COP1: variants seen among roughly 807,000 people sequenced by gnomAD.
The protein encoded by COP1 is COP1 E3 ubiquitin ligase, also known as E3 ubiquitin-protein ligase COP1.
Under a neutral mutation model 101.3 loss-of-function variants are expected in COP1, and 24 were observed. The ratio of observed to expected loss-of-function variants is 0.24; its 90% confidence interval spans 0.17 to 0.33. The LOEUF (loss-of-function observed/expected upper bound fraction) is 0.33. Among genes scored for constraint, COP1 ranks in the 10% least tolerant of loss-of-function variants. The pLI, the probability that COP1 is intolerant of heterozygous loss-of-function variation, is 1.00. For missense variants in COP1, 663 were observed against 906.2 expected (o/e 0.73, Z 3.45); for synonymous variants, 347 against 341.9 (o/e 1.01, Z -0.17).
chr1:175,991,340 G>A (rs1022692933), intron 15 of COP1, among the ~76,000 whole-genome samples: 16 of 152,066 alleles, frequency 1.1e-4, no homozygotes, highest in African/African-American at 3.9e-4. Context: ...AAATATTTAC[G>A]TATCTAAATA....
At chr1:176,005,496 T>C (rs1398264388) in intron 15 of COP1, among the ~76,000 whole-genome samples, 3 of 151,812 alleles carry the variant, frequency 2.0e-5, no homozygotes, top group African/African-American at 7.3e-5. Flanking sequence ...TTTAGTGCTA[T>C]AAATTTCCCT....
intron 18 of COP1, among the ~76,000 whole-genome samples, chr1:175,961,976 G>A (rs1170692437): frequency 2.6e-5 from 4 of 152,058 alleles, no homozygotes; most frequent in Admixed American, 1.3e-4. Context: ...ATTAGTTAAC[G>A]AGATGAAAAT....
intron 15 of COP1, among the ~76,000 whole-genome samples, chr1:176,005,724 T>TTA (rs1662998137): frequency 7.2e-6 from 1 of 139,480 alleles, no homozygotes; most frequent in Non-Finnish European, 1.6e-5. Context: ...AGATAGTTTG[T>TTA]TATAATCTCT....
At chr1:176,040,803 T>G (rs1029410912) in intron 14 of COP1, among the ~76,000 whole-genome samples, 20 of 152,150 alleles carry the variant, frequency 1.3e-4, no homozygotes, top group Admixed American at 1.1e-3. Flanking sequence ...CATAACATGA[T>G]GCGAAATAAA....
At chr1:176,137,011 G>C (rs1422990196) in intron 6 of COP1, among the ~76,000 whole-genome samples, 1 of 151,960 alleles carries the variant, frequency 6.6e-6, no homozygotes, top group South Asian at 2.1e-4. Context: ...GCCTCCCAAA[G>C]TGCTGGTATT....
intron 15 of COP1, among the ~76,000 whole-genome samples, chr1:175,992,332 T>G (rs1293947199): frequency 6.6e-6 from 1 of 151,986 alleles, no homozygotes; most frequent in Non-Finnish European, 1.5e-5. Context: ...AGAAGACGGG[T>G]GATTTTGCAT....
chr1:176,053,446 C>T (rs1672919547), intron 11 of COP1, among the ~76,000 whole-genome samples: 1 of 152,130 alleles, frequency 6.6e-6, no homozygotes, highest in Non-Finnish European at 1.5e-5. Flanking sequence ...AGCTCACTGT[C>T]ATTTTCTTAA....
At chr1:175,972,928 A>T (rs1038792285) in intron 18 of COP1, among the ~76,000 whole-genome samples, 1 of 151,742 alleles carries the variant, frequency 6.6e-6, no homozygotes, top group African/African-American at 2.4e-5. Flanking sequence ...CGCCTCCCAG[A>T]TTCAAGCAAT....
At chr1:176,204,995 G>T (rs1423000978) in intron 1 of COP1, among the ~76,000 whole-genome samples, 3 of 152,136 alleles carry the variant, frequency 2.0e-5, no homozygotes, top group Non-Finnish European at 4.4e-5. Flanking sequence ...GCAGTGCACT[G>T]AACTTCATAT....
At chr1:176,022,934 T>G (rs1272321255) in intron 15 of COP1, among the ~76,000 whole-genome samples, 2 of 152,246 alleles carry the variant, frequency 1.3e-5, no homozygotes, top group Non-Finnish European at 2.9e-5. Flanking sequence ...GTGAACATTT[T>G]ATGGTCGTTC....
intron 15 of COP1, among the ~76,000 whole-genome samples, chr1:176,008,548 T>C (rs1270796946): frequency 6.6e-6 from 1 of 152,228 alleles, no homozygotes; most frequent in Non-Finnish European, 1.5e-5. Context: ...AATTACCTTT[T>C]TTGAATATAT....
At chr1:176,108,684 T>C (rs1684767049) in intron 9 of COP1, among the ~76,000 whole-genome samples, 1 of 152,064 alleles carries the variant, frequency 6.6e-6, no homozygotes, top group African/African-American at 2.4e-5. Flanking sequence ...TGGTATCTAG[T>C]ATTATTCTAT....
At chr1:175,991,501 A>C (rs188806914) in intron 15 of COP1, among the ~76,000 whole-genome samples, 10 of 152,300 alleles carry the variant, frequency 6.6e-5, no homozygotes, top group Non-Finnish European at 1.5e-4. Flanking sequence ...AGACGTTAAC[A>C]GTATACCTAG....
intron 18 of COP1, chr1:175,968,495 G>C: frequency 1.9e-6 from 1 of 518,896 alleles, no homozygotes; most frequent in Non-Finnish European, 3.8e-6. Context: ...GTAGACAAAA[G>C]GCATTTTTTC....
chr1:176,058,609 C>A (rs1348823780), intron 11 of COP1, among the ~76,000 whole-genome samples: 1 of 152,164 alleles, frequency 6.6e-6, no homozygotes, highest in Non-Finnish European at 1.5e-5. Context: ...TACCCAGGGA[C>A]AAAAACACTG....
chr1:176,206,492 ACACCAGAC>A, intron 1 of COP1, 72 bp downstream of exon 1: 1 of 1,323,262 alleles, frequency 7.6e-7, no homozygotes, highest in Non-Finnish European at 1.0e-6. Context: ...AGCCACCCCC[ACACCAGAC>A]CCCCCGCCCC....
chr1:176,187,406 T>C (rs1463103344), intron 1 of COP1, among the ~76,000 whole-genome samples: 1 of 6,476 alleles, frequency 1.5e-4, no homozygotes, highest in Non-Finnish European at 9.6e-4. Flanking sequence ...AATATACGTG[T>C]GTGTGTGTGT....
rs1338087573 is a variant in COP1, at chr1:176,207,004, C to A, written c.-26G>T. On this transcript the variant is annotated 5_prime_UTR_variant, in exon 1 of 20. Transcript: ENST00000367669. ...CGTGACTCCCTCCCCTCCAGCCGGG[C>A]GCTCGGAGGAGAGGGACCGCGACCT... is the stretch of plus-strand genomic sequence containing the variant. 2 of 1,367,502 alleles carry A rather than the reference C, an allele frequency of 1.5e-6. No individual in the cohort carries two copies. Among genetic ancestry groups the A allele is most frequent in the South Asian group, 3.3e-5 (2 of 61,522 alleles). The allele number at this position is 1,367,502 out of a possible 1,614,324, so 84.7% of individuals were successfully genotyped here.
intron 19 of COP1, among the ~76,000 whole-genome samples, chr1:175,946,306 T>C (rs1649163162): frequency 6.6e-6 from 1 of 152,222 alleles, no homozygotes; most frequent in African/African-American, 2.4e-5. Flanking sequence ...ATTAGTGCAG[T>C]TCTTCTGCGT....
Sources: gnomAD v4.1 joint callset for allele counts (sites outside exome capture counted in the v4.1 genomes callset) on GRCh38, gnomAD v4.1.1 for gene constraint, MANE v1.5 for transcripts, NCBI Gene and HGNC (gene_info 2026-07-23, HGNC 2026-07-21) for gene names.